NNMT: variants seen among roughly 807,000 people sequenced by gnomAD.
NNMT encodes nicotinamide N-methyltransferase.
NNMT carries 10 observed loss-of-function variants against 11.7 expected under a neutral mutation model. The observed-to-expected ratio is 0.85, with a 90% CI of 0.53 to 1.45. The LOEUF (loss-of-function observed/expected upper bound fraction) is 1.45. Ranked by LOEUF, NNMT falls within the 40% of genes most tolerant of loss-of-function variation. NNMT has a pLI of 0.00. For synonymous variants in NNMT, 143 were observed against 133.8 expected (o/e 1.07, Z -0.48); for missense variants, 381 against 319.4 (o/e 1.19, Z -1.47).
intron 2 of NNMT, among the ~76,000 whole-genome samples, chr11:114,307,802 G>A (rs1359501788): frequency 6.6e-6 from 1 of 151,828 alleles, no homozygotes; most frequent in African/African-American, 2.4e-5. Flanking sequence ...GCTTGCTTCA[G>A]TCTGGTTAAC....
upstream of NNMT, chr11:114,296,072 T>G (rs1945373730): frequency 1.3e-5 from 2 of 153,630 alleles, no homozygotes; most frequent in Non-Finnish European, 2.9e-5. Flanking sequence ...TCCTTTCTTT[T>G]ACATGTTTAA....
At chr11:114,272,656 C>T (rs771012791) in intron 2 of NNMT, among the ~76,000 whole-genome samples, 7 of 152,166 alleles carry the variant, frequency 4.6e-5, no homozygotes, top group Non-Finnish European at 8.8e-5. Flanking sequence ...AAGTAGGAAG[C>T]CTCTCTCCAC....
Position 114,296,565 on chromosome 11 carries a change from A to C in NNMT, c.9A>C (p.Ser3=). 1 of 1,613,918 alleles carries C rather than the reference A, an allele frequency of 6.2e-7. No homozygotes were observed. Among genetic ancestry groups the C allele is most frequent in the African/African-American group, 1.3e-5 (1 of 75,064 alleles). The change falls in exon 1 of 3, where the codon TCA becomes TCC. Residue 3 remains serine, a synonymous_variant. Transcript: ENST00000299964. The part of the protein sequence containing the change: ME[S]GFTSKDTYLS... Reference sequence around the variant, plus strand: ...TACAGAAGTGAGACATAATGGAATCAGGCTTCACCTCCAAGGACACCTATC... The same window carrying C: ...TACAGAAGTGAGACATAATGGAATCCGGCTTCACCTCCAAGGACACCTATC...
At chr11:114,259,299 C>A (rs1414618328) in intron 1 of NNMT, among the ~76,000 whole-genome samples, 1 of 150,624 alleles carries the variant, frequency 6.6e-6, no homozygotes, top group Non-Finnish European at 1.5e-5. Context: ...ATCACATGCC[C>A]GCTCGGGCAC....
Position 114,313,170 on chromosome 11 carries a change from T to C in NNMT, c.*693T>C, listed in dbSNP as rs955522941. 1.3e-5 allele frequency: 2 copies of C among 152,234 alleles called. No individual in the cohort carries two copies. The highest frequency in any genetic ancestry group is 6.5e-5 in the Admixed American group (1 of 15,280). 9.4% of individuals were successfully genotyped at this position (152,234 alleles called of 1,614,324 possible). Reference sequence around the variant, plus strand: ...TATAAAATGAGATTAAAATAGTCTTTTTATTAAGAGAATTAAAGTGAATTG... The same window carrying C: ...TATAAAATGAGATTAAAATAGTCTTCTTATTAAGAGAATTAAAGTGAATTG... On this transcript the variant is annotated 3_prime_UTR_variant, in exon 3 of 3. Transcript: ENST00000299964.
In NNMT at chr11:114,312,577, T is replaced by C; in HGVS notation, c.*100T>C. 3.3e-6 allele frequency: 4 copies of C among 1,205,846 alleles called. No homozygotes were observed. Among genetic ancestry groups the C allele is most frequent in the East Asian group, 2.3e-5 (1 of 42,674 alleles). 74.7% of individuals were successfully genotyped at this position (1,205,846 alleles called of 1,614,324 possible). A position where few individuals can be genotyped will look rare whatever the true frequency, so the allele number is the denominator to read the frequency against. On this transcript the variant is annotated 3_prime_UTR_variant, in exon 3 of 3. Transcript: ENST00000299964. Reference sequence around the variant, plus strand: ...CATGTGCTGAGTAGAGGCTCAGTGGTTGGGGCCCAATGGTTCATCTAGGAC... The same window carrying C: ...CATGTGCTGAGTAGAGGCTCAGTGGCTGGGGCCCAATGGTTCATCTAGGAC...
At chr11:114,311,961 C>T (rs1020536850) in intron 2 of NNMT, 84 bp from the exon 3 acceptor site, 22 of 1,412,808 alleles carry the variant, frequency 1.6e-5, no homozygotes, top group South Asian at 4.2e-5. Context: ...TGGGACAATA[C>T]GGCCATTTTT....
At chr11:114,297,915 C>G in intron 1 of NNMT, 36 bp from the exon 2 acceptor site, 1 of 1,581,990 alleles carries the variant, frequency 6.3e-7, no homozygotes, top group South Asian at 1.1e-5. Flanking sequence ...CCATGAGATG[C>G]CTGATCTCTC....
intron 1 of NNMT, among the ~76,000 whole-genome samples, chr11:114,262,075 G>A (rs1945087796): frequency 6.6e-6 from 1 of 152,136 alleles, no homozygotes; most frequent in Non-Finnish European, 1.5e-5. Context: ...CAGGGCAATG[G>A]GACAAACTCT....
chr11:114,312,337 G>A lies in NNMT; in HGVS notation c.655G>A (p.Glu219Lys). 6.2e-7 allele frequency: 1 copy of A among 1,614,250 alleles called. No individual in the cohort carries two copies. The highest frequency in any genetic ancestry group is 1.1e-5 in the South Asian group (1 of 91,088). ...GTTCTCCAGCCTCCCCCTGGGCCGGGAGGCAGTAGAGGCTGCTGTGAAAGA... is the reference window on the plus strand; with the variant it reads ...GTTCTCCAGCCTCCCCCTGGGCCGGAAGGCAGTAGAGGCTGCTGTGAAAGA... ...QKFSSLPLGR[E>K]AVEAAVKEAG... The change falls in exon 3 of 3, where the codon GAG becomes AAG. Residue 219 changes from glutamate to lysine, a missense_variant. Physicochemically the swap from Glu to Lys is moderately conservative, Grantham distance 56. Coordinates refer to ENST00000299964, the MANE Select transcript of NNMT (RefSeq NM_006169.3).
intron 2 of NNMT, among the ~76,000 whole-genome samples, chr11:114,270,067 T>A (rs1260207790): frequency 2.0e-5 from 3 of 151,978 alleles, no homozygotes; most frequent in Admixed American, 6.6e-5. Context: ...GGTGGTAGAG[T>A]CTTTTGTTTT....
chr11:114,265,448 A>G (rs977412852), intron 2 of NNMT, among the ~76,000 whole-genome samples: 7 of 152,190 alleles, frequency 4.6e-5, no homozygotes, highest in Non-Finnish European at 1.0e-4. Flanking sequence ...ACAGTCTCTG[A>G]AAAGTTCCTT....
chr11:114,280,487 C>T (rs989472803), intron 2 of NNMT, among the ~76,000 whole-genome samples: 1 of 152,162 alleles, frequency 6.6e-6, no homozygotes, highest in Admixed American at 6.5e-5. Context: ...CTGATCCTGC[C>T]TGTTGCACAC....
chr11:114,269,101 A>G (rs933195210), intron 2 of NNMT, among the ~76,000 whole-genome samples: 1 of 152,176 alleles, frequency 6.6e-6, no homozygotes, highest in Non-Finnish European at 1.5e-5. Flanking sequence ...TAACTTGTCC[A>G]TGGACACATT....
At chr11:114,286,409 C>A (rs1945300278) in intron 2 of NNMT, among the ~76,000 whole-genome samples, 1 of 152,212 alleles carries the variant, frequency 6.6e-6, no homozygotes, top group Admixed American at 6.5e-5. Context: ...CTGAGCACAA[C>A]TTTGTCCTCC....
intron 2 of NNMT, among the ~76,000 whole-genome samples, chr11:114,274,677 G>A (rs1945201546): frequency 6.6e-6 from 1 of 152,226 alleles, no homozygotes; most frequent in Non-Finnish European, 1.5e-5. Flanking sequence ...GCCCCAAGGA[G>A]GGAACCAAAG....
intron 2 of NNMT, among the ~76,000 whole-genome samples, chr11:114,306,662 T>A (rs1203226260): frequency 2.0e-5 from 3 of 152,110 alleles, no homozygotes; most frequent in Non-Finnish European, 4.4e-5. Flanking sequence ...TGGTTGTAGA[T>A]GTGTGGTATT....
intron 2 of NNMT, among the ~76,000 whole-genome samples, chr11:114,276,666 G>T (rs1259884056): frequency 6.6e-6 from 1 of 152,176 alleles, no homozygotes; most frequent in African/African-American, 2.4e-5. Flanking sequence ...TGTTTCAAGG[G>T]CTCTGCAGGG....
chr11:114,288,963 TC>T (rs780269498), intron 2 of NNMT, among the ~76,000 whole-genome samples: 119 of 152,320 alleles, frequency 7.8e-4, no homozygotes, highest in Non-Finnish European at 1.2e-3. Flanking sequence ...GGGTATTTTC[TC>T]TTTTTGTATT....
Sources: gnomAD v4.1 joint callset for allele counts (sites outside exome capture counted in the v4.1 genomes callset) on GRCh38, gnomAD v4.1.1 for gene constraint, MANE v1.5 for transcripts, NCBI Gene and HGNC (gene_info 2026-07-23, HGNC 2026-07-21) for gene names.